Variants in SLC44A5 observed in about 807,000 individuals in gnomAD.
The protein encoded by SLC44A5 is choline transporter-like protein 5.
SLC44A5 carries 57 observed loss-of-function variants against 101.8 expected under a neutral mutation model. The ratio of observed to expected loss-of-function variants is 0.56; its 90% confidence interval spans 0.45 to 0.70. The LOEUF is 0.70. Ranked by LOEUF, SLC44A5 falls within the 30% of genes least tolerant of loss-of-function variation. The pLI, the probability that SLC44A5 is intolerant of heterozygous loss-of-function variation, is 0.00. For synonymous variants in SLC44A5, 281 were observed against 290.9 expected, an observed-to-expected ratio of 0.97 and a Z score of 0.35; for missense variants, 737 against 853.1, an observed-to-expected ratio of 0.86 and a Z score of 1.70.
intron 1 of SLC44A5, among the ~76,000 whole-genome samples, chr1:75,589,059 T>C (rs923242098): frequency 5.9e-5 from 9 of 152,144 alleles, no homozygotes; most frequent in African/African-American, 2.2e-4. Flanking sequence ...GAAGTCAACG[T>C]TAAGTTTGGA....
chr1:75,414,693 G>A (rs1214443197), intron 2 of SLC44A5, among the ~76,000 whole-genome samples: 3 of 152,170 alleles, frequency 2.0e-5, no homozygotes, highest in East Asian at 1.9e-4. Context: ...GAGTTAAATA[G>A]GCAAAAGGTT....
chr1:75,596,121 A>G (rs1674617055), intron 1 of SLC44A5, among the ~76,000 whole-genome samples: 1 of 151,980 alleles, frequency 6.6e-6, no homozygotes, highest in African/African-American at 2.4e-5. Flanking sequence ...TTTTTCTTTC[A>G]TGGGCCCACA....
the SLC44A5 span, among the ~76,000 whole-genome samples, chr1:75,650,665 C>A: frequency 2.0e-5 from 3 of 152,200 alleles, no homozygotes; most frequent in African/African-American, 7.2e-5. Flanking sequence ...GACAAATCTT[C>A]AGGCTGGAGT....
chr1:75,216,752 T>C (rs1348540064), intron 18 of SLC44A5, among the ~76,000 whole-genome samples: 1 of 152,084 alleles, frequency 6.6e-6, no homozygotes, highest in South Asian at 2.1e-4. Context: ...TTGTATATCA[T>C]TTTTGGAGAA....
chr1:75,245,725 AGTTT>A (rs894561572), intron 7 of SLC44A5, among the ~76,000 whole-genome samples: 32 of 152,158 alleles, frequency 2.1e-4, no homozygotes, highest in African/African-American at 6.8e-4. Context: ...AGTAAAACGT[AGTTT>A]GTTAAGGAGA....
rs1486655259 is a variant in SLC44A5 at position 75,243,140 on chromosome 1, A to G, written c.346-129T>C. 6 of 1,141,618 alleles carry G rather than the reference A, an allele frequency of 5.3e-6. No individual in the cohort carries two copies. The Admixed American group carries it at 1.5e-4, about 29-fold the overall frequency. 70.7% of individuals were successfully genotyped at this position (1,141,618 alleles called of 1,614,324 possible). A position where few individuals can be genotyped will look rare whatever the true frequency, so the allele number is the denominator to read the frequency against. The stretch of plus-strand genomic sequence containing the variant: ...ACTGTTTTCCATCTAAGAAACCTAA[A>G]TCAATTTCCTTGCTCTCTCTCTTTT... On this transcript the variant is annotated intron_variant, in intron 7 of 23. Transcript: ENST00000370859.
At chr1:75,497,792 C>A (rs866587300) in intron 2 of SLC44A5, among the ~76,000 whole-genome samples, 15 of 151,848 alleles carry the variant, frequency 9.9e-5, no homozygotes, top group African/African-American at 3.4e-4. Flanking sequence ...TGTTTAATTC[C>A]ATAAGAAAAA....
chr1:75,645,886 G>A, the SLC44A5 span, among the ~76,000 whole-genome samples: 4 of 135,692 alleles, frequency 2.9e-5, 1 homozygote, highest in African/African-American at 2.5e-5. Context: ...TGTTAAATAG[G>A]GAACCCTTTC....
chr1:75,505,533 T>C (rs933293098), intron 2 of SLC44A5, among the ~76,000 whole-genome samples: 96 of 152,142 alleles, frequency 6.3e-4, no homozygotes, highest in African/African-American at 2.2e-3. Context: ...TTTGGTCTTT[T>C]CAATAAGTCA....
At chr1:75,280,531 A>C (rs1298014475) in intron 5 of SLC44A5, among the ~76,000 whole-genome samples, 2 of 138,482 alleles carry the variant, frequency 1.4e-5, no homozygotes, top group African/African-American at 5.4e-5. Context: ...TTCTTTATTC[A>C]CTCATTGATT....
At chr1:75,509,009 T>C (rs1669421166) in intron 2 of SLC44A5, among the ~76,000 whole-genome samples, 1 of 152,172 alleles carries the variant, frequency 6.6e-6, no homozygotes, top group Non-Finnish European at 1.5e-5. Context: ...ATGACAAAGC[T>C]GGGAACCAGT....
At chr1:75,698,398 C>T in the SLC44A5 span, among the ~76,000 whole-genome samples, 2 of 152,274 alleles carry the variant, frequency 1.3e-5, no homozygotes, top group Middle Eastern at 3.4e-3. Flanking sequence ...GGCAGACTGA[C>T]ACCTCACACG....
At chr1:75,489,863 A>T (rs956428336) in intron 2 of SLC44A5, among the ~76,000 whole-genome samples, 1 of 152,166 alleles carries the variant, frequency 6.6e-6, no homozygotes, top group Non-Finnish European at 1.5e-5. Flanking sequence ...GTACCTACTA[A>T]ATTAGGAATA....
chr1:75,587,133 A>G (rs1222371256), intron 1 of SLC44A5, among the ~76,000 whole-genome samples: 3 of 152,140 alleles, frequency 2.0e-5, no homozygotes. Context: ...TAAACATCCT[A>G]CAATGCCCAG....
chr1:75,664,735 C>T, the SLC44A5 span, among the ~76,000 whole-genome samples: 12 of 151,824 alleles, frequency 7.9e-5, no homozygotes, highest in Non-Finnish European at 1.3e-4. Flanking sequence ...TCCTGGCTAA[C>T]GTGGTGAAAC....
chr1:75,681,463 C>A, the SLC44A5 span, among the ~76,000 whole-genome samples: 1 of 151,082 alleles, frequency 6.6e-6, no homozygotes, highest in Non-Finnish European at 1.5e-5. Context: ...ATATGCAAAT[C>A]AATAAATGTA....
At chr1:75,698,558 CA>C in the SLC44A5 span, among the ~76,000 whole-genome samples, 1 of 152,210 alleles carries the variant, frequency 6.6e-6, no homozygotes, top group Non-Finnish European at 1.5e-5. Flanking sequence ...GCGGAAAAAA[CA>C]GAGCAGAAAA....
At position 75,604,545 on chromosome 1, in the gene SLC44A5, TGA is replaced by T. The variant is rs1195156858; in HGVS notation, c.-70+6493_-70+6494del. On this transcript the variant is annotated intron_variant, in intron 1 of 23. Coordinates refer to ENST00000370859, the MANE Select transcript of SLC44A5 (RefSeq NM_001130058.2). The stretch of plus-strand genomic sequence containing the variant: ...ATATGAATTTTAGAATAGTTTTTTC[TGA>T]TTCTGTGAAAAATGCCATTGGTAGC... Among the ~76,000 whole-genome samples the T allele has an allele frequency of 3.3e-5, 5 of 152,254 alleles. No individual in the cohort carries two copies. In the East Asian group the frequency reaches 7.7e-4, roughly 23 times the overall value.
chr1:75,398,199 T>C (rs1662248308), intron 2 of SLC44A5, among the ~76,000 whole-genome samples: 1 of 152,204 alleles, frequency 6.6e-6, no homozygotes, highest in South Asian at 2.1e-4. Context: ...AATTCGAGGT[T>C]CATGGTTATC....
Sources: gnomAD v4.1 joint callset for allele counts (sites outside exome capture counted in the v4.1 genomes callset) on GRCh38, gnomAD v4.1.1 for gene constraint, MANE v1.5 for transcripts, NCBI Gene and HGNC (gene_info 2026-07-23, HGNC 2026-07-21) for gene names.